The following OPRM1 variants were observed in gnomAD, a reference collection of about 807,000 sequenced individuals.
OPRM1 encodes mu-type opioid receptor.
In OPRM1, 27 loss-of-function variants were observed where a neutral mutation model predicts 31.8. That is an observed-to-expected ratio of 0.85 (90% CI 0.63 to 1.17). The LOEUF (loss-of-function observed/expected upper bound fraction) is 1.17. Ranked by LOEUF, OPRM1 falls within the 50% of genes most tolerant of loss-of-function variation. The pLI is 0.00. For synonymous variants in OPRM1, 196 were observed against 189.9 expected (o/e 1.03, Z -0.26); for missense variants, 536 against 511.1 (o/e 1.05, Z -0.47).
chr6:154,147,247 G>C (rs1448672975), intron 3 of OPRM1, among the ~76,000 whole-genome samples: 1 of 152,210 alleles, frequency 6.6e-6, no homozygotes, highest in Non-Finnish European at 1.5e-5. Context: ...TCAACACCCA[G>C]TGGAGTCCAT....
chr6:154,233,491 T>G (rs12213815), intron 3 of OPRM1, among the ~76,000 whole-genome samples: 1 of 152,188 alleles, frequency 6.6e-6, no homozygotes, highest in African/African-American at 2.4e-5. Context: ...CCAGAGAGAC[T>G]TTTTTCTTAC....
intron 3 of OPRM1, among the ~76,000 whole-genome samples, chr6:154,199,410 C>G (rs1344432312): frequency 6.6e-6 from 1 of 150,826 alleles, no homozygotes; most frequent in Non-Finnish European, 1.5e-5. Flanking sequence ...GGAAAAGTAT[C>G]ATTATTTTAT....
chr6:154,240,614 C>G (rs1384702126), intron 3 of OPRM1, among the ~76,000 whole-genome samples: 3 of 152,034 alleles, frequency 2.0e-5, no homozygotes, highest in Non-Finnish European at 4.4e-5. Flanking sequence ...ACATTTTCTA[C>G]ATGGGTAATT....
At chr6:154,029,093 C>G (rs1376585157) in intron 1 of OPRM1, among the ~76,000 whole-genome samples, 1 of 152,054 alleles carries the variant, frequency 6.6e-6, no homozygotes, top group African/African-American at 2.4e-5. Context: ...TATCAGTAGC[C>G]CTTCTCTTGT....
At chr6:154,223,036 A>G in intron 3 of OPRM1, 1 of 730,588 alleles carries the variant, frequency 1.4e-6, no homozygotes, top group Admixed American at 2.1e-5. Context: ...TAGGGTGCCA[A>G]CCCATAATGC....
At chr6:154,027,617 C>T (rs570447802) in intron 1 of OPRM1, among the ~76,000 whole-genome samples, 132 of 152,358 alleles carry the variant, frequency 8.7e-4, no homozygotes, top group African/African-American at 3.0e-3. Context: ...CCAAGAGCCA[C>T]GTTCTAGAGT....
At chr6:154,225,504 C>T (rs1779179229) in intron 3 of OPRM1, among the ~76,000 whole-genome samples, 2 of 152,306 alleles carry the variant, frequency 1.3e-5, no homozygotes, top group South Asian at 4.1e-4. Context: ...GCTCATCTCT[C>T]GTATGATTCA....
chr6:154,033,604 A>C (rs1207831329), intron 1 of OPRM1, among the ~76,000 whole-genome samples: 1 of 152,218 alleles, frequency 6.6e-6, no homozygotes, highest in Non-Finnish European at 1.5e-5. Flanking sequence ...GCAGGTTAAT[A>C]CACTTTTTTT....
intron 3 of OPRM1, among the ~76,000 whole-genome samples, chr6:154,178,909 A>G (rs890538379): frequency 2.0e-5 from 3 of 152,240 alleles, no homozygotes; most frequent in Non-Finnish European, 4.4e-5. Context: ...ATCCACAAGC[A>G]TAAAACAGTA....
intron 1 of OPRM1, among the ~76,000 whole-genome samples, chr6:154,071,711 A>G (rs1786776458): frequency 6.6e-6 from 1 of 152,232 alleles, no homozygotes; most frequent in African/African-American, 2.4e-5. Flanking sequence ...ATGAATGAGC[A>G]TCAGTAATTT....
At chr6:154,206,872 T>A (rs1354091934) in intron 3 of OPRM1, among the ~76,000 whole-genome samples, 1 of 152,196 alleles carries the variant, frequency 6.6e-6, no homozygotes, top group East Asian at 1.9e-4. Context: ...GGGCTGACGA[T>A]AAGGGCAAAA....
At chr6:154,137,813 GA>G (rs956637238) in intron 3 of OPRM1, among the ~76,000 whole-genome samples, 4 of 152,296 alleles carry the variant, frequency 2.6e-5, no homozygotes, top group Admixed American at 2.0e-4. Flanking sequence ...CAATGGATAG[GA>G]CAAGAGGGAT....
At chr6:154,093,788 A>G (rs1792859640) in intron 3 of OPRM1, among the ~76,000 whole-genome samples, 1 of 152,220 alleles carries the variant, frequency 6.6e-6, no homozygotes, top group African/African-American at 2.4e-5. Flanking sequence ...AAATTAAGAT[A>G]AATCAAAGCT....
chr6:154,180,556 C>A (rs1800784970), intron 3 of OPRM1, among the ~76,000 whole-genome samples: 2 of 151,976 alleles, frequency 1.3e-5, no homozygotes, highest in African/African-American at 2.4e-5. Context: ...TTCCATACCC[C>A]AGTCTATTGT....
At chr6:154,179,538 T>C (rs1437253349) in intron 3 of OPRM1, among the ~76,000 whole-genome samples, 1 of 152,170 alleles carries the variant, frequency 6.6e-6, no homozygotes, top group Non-Finnish European at 1.5e-5. Context: ...ATGAATTTTG[T>C]CTGACAGTCA....
At chr6:154,110,882 G>A (rs1471892109) in intron 3 of OPRM1, among the ~76,000 whole-genome samples, 3 of 24,862 alleles carry the variant, frequency 1.2e-4, no homozygotes, top group East Asian at 5.6e-3. Flanking sequence ...GCGAGACTCC[G>A]TCTCAAAAAA....
chr6:154,158,618 C>T (rs921328854), intron 3 of OPRM1: 6 of 151,946 alleles, frequency 3.9e-5, no homozygotes, highest in African/African-American at 1.2e-4. Context: ...GAATGCATGC[C>T]CCATTTTTTT....
At chr6:154,084,343 T>C (rs1165935849) in intron 1 of OPRM1, among the ~76,000 whole-genome samples, 1 of 152,194 alleles carries the variant, frequency 6.6e-6, no homozygotes, top group Non-Finnish European at 1.5e-5. Flanking sequence ...TTCTCCATGT[T>C]AATGCCAATG....
At chr6:154,188,206 C>T (rs2128577437) in intron 3 of OPRM1, among the ~76,000 whole-genome samples, 1 of 151,948 alleles carries the variant, frequency 6.6e-6, no homozygotes, top group South Asian at 2.1e-4. Context: ...TCATGTAAAC[C>T]AGCAATAGTT....
Sources: gnomAD v4.1 joint callset for allele counts (sites outside exome capture counted in the v4.1 genomes callset) on GRCh38, gnomAD v4.1.1 for gene constraint, MANE v1.5 for transcripts, NCBI Gene and HGNC (gene_info 2026-07-23, HGNC 2026-07-21) for gene names.